The following COX7B2 variants were observed in gnomAD, a reference collection of about 807,000 sequenced individuals.
COX7B2 encodes the protein cytochrome c oxidase subunit 7B2, mitochondrial.
For missense variants in COX7B2, 109 were observed against 95.9 expected, an observed-to-expected ratio of 1.14 and a Z score of -0.57; for synonymous variants, 37 against 32.1, an observed-to-expected ratio of 1.15 and a Z score of -0.51.
At chr4:46,896,009 A>G (rs1350663963) in intron 1 of COX7B2, among the ~76,000 whole-genome samples, 2 of 152,192 alleles carry the variant, frequency 1.3e-5, no homozygotes, top group Non-Finnish European at 2.9e-5. Context: ...AAAACCAAGG[A>G]AGCTTCTGGA....
At chr4:46,767,656 C>T (rs368843072) in intron 2 of COX7B2, among the ~76,000 whole-genome samples, 84 of 152,142 alleles carry the variant, frequency 5.5e-4, no homozygotes, top group African/African-American at 1.9e-3. Flanking sequence ...ATATATTTTC[C>T]TATCACAATG....
At chr4:46,855,633 T>TA (rs1407679893) in intron 1 of COX7B2, among the ~76,000 whole-genome samples, 1 of 151,626 alleles carries the variant, frequency 6.6e-6, no homozygotes, top group African/African-American at 2.4e-5. Context: ...CAAAAAAAAC[T>TA]AAAAAAAAGC....
At chr4:46,881,715 AAATAAT>A (rs916614343) in intron 1 of COX7B2, among the ~76,000 whole-genome samples, 1 of 151,866 alleles carries the variant, frequency 6.6e-6, no homozygotes, top group Non-Finnish European at 1.5e-5. Context: ...GATCCATCTC[AAATAAT>A]AATAATAATA....
Position 46,833,288 on chromosome 4 carries a change from C to T in COX7B2, c.-50+11672G>A, listed in dbSNP as rs185664390. Among the ~76,000 whole-genome samples the T allele has an allele frequency of 2.6e-5, 4 of 152,288 alleles. No individual in the cohort carries two copies. In the East Asian group the frequency reaches 7.7e-4, roughly 29 times the overall value. ...AATGTGAGAACTAACACAGTATGTC[C>T]TGGCATCAACTTTACAATTAAAAAG... On this transcript the variant is annotated intron_variant, in intron 2 of 2. Transcript: ENST00000355591.
intron 1 of COX7B2, among the ~76,000 whole-genome samples, chr4:46,868,653 T>C (rs935793505): frequency 6.6e-6 from 1 of 152,186 alleles, no homozygotes; most frequent in East Asian, 1.9e-4. Flanking sequence ...GGGCATGTTG[T>C]TTAATGTCCA....
chr4:46,761,278 T>C (rs888106122), intron 2 of COX7B2, among the ~76,000 whole-genome samples: 5 of 152,168 alleles, frequency 3.3e-5, no homozygotes, highest in Non-Finnish European at 7.4e-5. Context: ...GCAGAACCAG[T>C]AGCAGGGGGC....
At chr4:46,785,229 G>C (rs1717685675) in intron 2 of COX7B2, among the ~76,000 whole-genome samples, 1 of 152,086 alleles carries the variant, frequency 6.6e-6, no homozygotes, top group African/African-American at 2.4e-5. Flanking sequence ...GAGCAGATGA[G>C]AACCTGTTGA....
At chr4:46,790,849 C>A (rs747974678) in intron 2 of COX7B2, among the ~76,000 whole-genome samples, 24 of 152,310 alleles carry the variant, frequency 1.6e-4, no homozygotes, top group Non-Finnish European at 3.5e-4. Context: ...GCTTAAGAAT[C>A]AAACCCTAGG....
chr4:46,774,231 A>G (rs1717036166), intron 2 of COX7B2, among the ~76,000 whole-genome samples: 1 of 152,024 alleles, frequency 6.6e-6, no homozygotes, highest in Non-Finnish European at 1.5e-5. Flanking sequence ...CAAACAAAAA[A>G]CTAAATTCCC....
intron 1 of COX7B2, among the ~76,000 whole-genome samples, chr4:46,857,616 C>T (rs1220930024): frequency 6.6e-6 from 1 of 152,034 alleles, no homozygotes; most frequent in Non-Finnish European, 1.5e-5. Flanking sequence ...CTGCTGCTTA[C>T]AAAATATTTT....
intron 1 of COX7B2, among the ~76,000 whole-genome samples, chr4:46,901,709 A>G (rs1218207822): frequency 6.6e-6 from 1 of 152,230 alleles, no homozygotes; most frequent in Admixed American, 6.5e-5. Context: ...TGGGGGTCCA[A>G]CAGAACAAAA....
intron 1 of COX7B2, among the ~76,000 whole-genome samples, chr4:46,855,678 T>C (rs1560421945): frequency 1.3e-5 from 2 of 152,100 alleles, no homozygotes; most frequent in Non-Finnish European, 2.9e-5. Context: ...GTTGAACTCA[T>C]ATAATGAAGA....
chr4:46,887,322 A>G (rs944055396), intron 1 of COX7B2, among the ~76,000 whole-genome samples: 3 of 152,202 alleles, frequency 2.0e-5, no homozygotes, highest in African/African-American at 7.2e-5. Context: ...AAACAGAAAA[A>G]TATTACCACA....
At chr4:46,861,778 T>A (rs558492752) in intron 1 of COX7B2, among the ~76,000 whole-genome samples, 1 of 152,308 alleles carries the variant, frequency 6.6e-6, no homozygotes, top group Non-Finnish European at 1.5e-5. Flanking sequence ...GAAGCAGCTG[T>A]GCCAGTTTTG....
At chr4:46,746,853 A>T (rs1289890823) in intron 2 of COX7B2, among the ~76,000 whole-genome samples, 1 of 152,236 alleles carries the variant, frequency 6.6e-6, no homozygotes, top group African/African-American at 2.4e-5. Context: ...ACTTGATTAA[A>T]CTGAGCTCCT....
chr4:46,903,566 C>A (rs1394849734), intron 1 of COX7B2, among the ~76,000 whole-genome samples: 1 of 152,148 alleles, frequency 6.6e-6, no homozygotes, highest in African/African-American at 2.4e-5. Flanking sequence ...TCACTACTCA[C>A]TCACTGCCTC....
chr4:46,829,151 T>C (rs1460977691), intron 2 of COX7B2, among the ~76,000 whole-genome samples: 2 of 152,130 alleles, frequency 1.3e-5, no homozygotes, highest in Non-Finnish European at 1.5e-5. Flanking sequence ...ATTTTTTACC[T>C]CCAAAGAGAA....
intron 2 of COX7B2, among the ~76,000 whole-genome samples, chr4:46,836,354 T>A (rs58441356): frequency 0.029 from 4,292 of 148,644 alleles, 113 homozygotes; most frequent in African/African-American, 0.066. Context: ...ATTTAAAAAA[T>A]TTTTTTTTTA....
intron 1 of COX7B2, among the ~76,000 whole-genome samples, chr4:46,894,949 C>T (rs1316545249): frequency 6.6e-6 from 1 of 152,062 alleles, no homozygotes; most frequent in African/African-American, 2.4e-5. Flanking sequence ...TCACACCAGT[C>T]GGAATGGCTA....
Sources: allele counts gnomAD v4.1 joint callset (sites outside exome capture counted in the v4.1 genomes callset), GRCh38; gene constraint gnomAD v4.1.1; transcripts MANE v1.5; gene names NCBI Gene and HGNC (gene_info 2026-07-23, HGNC 2026-07-21).